Variants in ARHGAP15 observed in about 807,000 individuals in gnomAD.
ARHGAP15 encodes the protein Rho GTPase activating protein 15.
ARHGAP15 carries 51 observed loss-of-function variants against 63.7 expected under a neutral mutation model. That is an observed-to-expected ratio of 0.80 (90% CI 0.64 to 1.01). The LOEUF is 1.01. Ranked by LOEUF, ARHGAP15 falls within the 50% of genes least tolerant of loss-of-function variation. The probability of loss-of-function intolerance (pLI) is 0.00; values close to 1 mark genes in which losing one functional copy is unlikely to be tolerated. For missense variants in ARHGAP15, 560 were observed against 564.6 expected, an observed-to-expected ratio of 0.99 and a Z score of 0.08; for synonymous variants, 191 against 193.8, an observed-to-expected ratio of 0.99 and a Z score of 0.12.
At chr2:143,480,195 A>G (rs1692010279) in intron 8 of ARHGAP15, among the ~76,000 whole-genome samples, 1 of 152,362 alleles carries the variant, frequency 6.6e-6, no homozygotes, top group Admixed American at 6.5e-5. Context: ...TACATCATAG[A>G]CAAATGCATT....
At chr2:143,421,273 C>G (rs1688905240) in intron 6 of ARHGAP15, among the ~76,000 whole-genome samples, 1 of 152,176 alleles carries the variant, frequency 6.6e-6, no homozygotes, top group African/African-American at 2.4e-5. Flanking sequence ...ATCACCCACA[C>G]AGGGTTATTG....
chr2:143,385,526 T>C (rs1162459712), intron 6 of ARHGAP15, among the ~76,000 whole-genome samples: 1 of 152,154 alleles, frequency 6.6e-6, no homozygotes, highest in Non-Finnish European at 1.5e-5. Context: ...CCAAAGTTCA[T>C]ACCAACTACT....
chr2:143,606,041 A>AAAAAAAC lies in ARHGAP15; in HGVS notation c.1004-18086_1004-18085insCAAAAAA, dbSNP rs1698003279. ...CCAGAGCAAGACTCTGTCTCAAAAA[A>AAAAAAAC]AAAAAAAAAAAAAAAAAAAAAAAAA... On this transcript the variant is annotated intron_variant, in intron 11 of 13. Coordinates refer to ENST00000295095, the MANE Select transcript of ARHGAP15 (RefSeq NM_018460.4). Among the ~76,000 whole-genome samples the AAAAAAAC allele has an allele frequency of 3.7e-5, 2 of 53,768 alleles. 1 individual carries two copies. The highest frequency in any genetic ancestry group is 9.6e-5 in the African/African-American group (2 of 20,736). The allele number at this position is 53,768 out of a possible 152,430, so 35.3% of individuals were successfully genotyped here.
rs542784028 is a variant in ARHGAP15 at position 143,312,475 on chromosome 2, TAAAAAG to T, written c.474+61881_474+61886del. On this transcript the variant is annotated intron_variant, in intron 6 of 13. Coordinates refer to ENST00000295095, the MANE Select transcript of ARHGAP15 (RefSeq NM_018460.4). ...TCTCTGCAGTTATTTTTTTCAAAGATAAAAAGAAAAAAAAAGCATGTTCAAAAATGT... is the reference window on the plus strand; with the variant it reads ...TCTCTGCAGTTATTTTTTTCAAAGATAAAAAAAAAGCATGTTCAAAAATGT... Among the ~76,000 whole-genome samples the T allele has an allele frequency of 1.1e-3, 170 of 151,774 alleles. 1 individual carries two copies. The highest frequency in any genetic ancestry group is 0.011 in the Admixed American group (162 of 15,254).
chr2:143,436,259 G>C (rs1043491089), intron 7 of ARHGAP15, among the ~76,000 whole-genome samples: 2 of 151,970 alleles, frequency 1.3e-5, no homozygotes, highest in African/African-American at 4.8e-5. Context: ...TGAGTCTCTA[G>C]AACAAACATT....
chr2:143,291,942 A>C (rs1261829938), intron 6 of ARHGAP15, among the ~76,000 whole-genome samples: 2 of 152,158 alleles, frequency 1.3e-5, no homozygotes, highest in African/African-American at 4.8e-5. Context: ...CAGCATATTT[A>C]AAATGTTTAG....
At chr2:143,286,787 T>G (rs1273889031) in intron 6 of ARHGAP15, among the ~76,000 whole-genome samples, 1 of 152,214 alleles carries the variant, frequency 6.6e-6, no homozygotes, top group Non-Finnish European at 1.5e-5. Flanking sequence ...ATTAGGCAAT[T>G]TCTTCATTGT....
intron 9 of ARHGAP15, among the ~76,000 whole-genome samples, chr2:143,493,679 C>T (rs1208074081): frequency 6.6e-6 from 1 of 152,166 alleles, no homozygotes; most frequent in African/African-American, 2.4e-5. Flanking sequence ...AAAGTCCTTT[C>T]AGCCTCTTTC....
At chr2:143,232,165 A>T (rs193114992) in intron 5 of ARHGAP15, among the ~76,000 whole-genome samples, 1 of 152,204 alleles carries the variant, frequency 6.6e-6, no homozygotes, top group Non-Finnish European at 1.5e-5. Context: ...AGGAAGAATG[A>T]CCTATTCTGT....
chr2:143,445,695 T>G (rs928716427), intron 8 of ARHGAP15, among the ~76,000 whole-genome samples: 15 of 152,228 alleles, frequency 9.9e-5, no homozygotes, highest in African/African-American at 3.6e-4. Context: ...TTAACATCCT[T>G]TAGGACTCAG....
intron 6 of ARHGAP15, among the ~76,000 whole-genome samples, chr2:143,331,386 G>A (rs1029560146): frequency 2.0e-5 from 3 of 151,980 alleles, no homozygotes; most frequent in Non-Finnish European, 4.4e-5. Context: ...CTTTATGCTG[G>A]TACTTAACTA....
At chr2:143,441,636 C>G (rs552794011) in intron 8 of ARHGAP15, among the ~76,000 whole-genome samples, 10 of 152,244 alleles carry the variant, frequency 6.6e-5, no homozygotes, top group African/African-American at 2.2e-4. Flanking sequence ...AGTAATATAT[C>G]TCATACCTAT....
At chr2:143,578,371 T>C (rs1036398700) in intron 11 of ARHGAP15, among the ~76,000 whole-genome samples, 10 of 152,076 alleles carry the variant, frequency 6.6e-5, no homozygotes, top group Non-Finnish European at 1.5e-4. Flanking sequence ...GTATGAAAGA[T>C]GAGAGATTTA....
At chr2:143,136,276 G>A (rs1689136103) in intron 1 of ARHGAP15, among the ~76,000 whole-genome samples, 1 of 151,340 alleles carries the variant, frequency 6.6e-6, no homozygotes, top group African/African-American at 2.4e-5. Context: ...CTCAATAATG[G>A]CCCTTAAGGT....
intron 11 of ARHGAP15, among the ~76,000 whole-genome samples, chr2:143,591,696 C>T (rs1013873461): frequency 6.6e-6 from 1 of 150,780 alleles, no homozygotes; most frequent in Non-Finnish European, 1.5e-5. Context: ...TCTCGGCTCA[C>T]GCAACCTCCG....
chr2:143,607,335 C>T (rs1162566449), intron 11 of ARHGAP15, among the ~76,000 whole-genome samples: 2 of 152,084 alleles, frequency 1.3e-5, no homozygotes, highest in Admixed American at 6.5e-5. Flanking sequence ...GAACATTTGC[C>T]AGGAAAACTT....
chr2:143,277,646 G>A (rs1481582819), intron 6 of ARHGAP15, among the ~76,000 whole-genome samples: 4 of 151,936 alleles, frequency 2.6e-5, no homozygotes, highest in Non-Finnish European at 5.9e-5. Context: ...ATGGTGCAAT[G>A]GGGTCACAAC....
intron 6 of ARHGAP15, among the ~76,000 whole-genome samples, chr2:143,368,694 C>T (rs757433846): frequency 1.3e-5 from 2 of 152,048 alleles, no homozygotes; most frequent in Non-Finnish European, 2.9e-5. Flanking sequence ...TTAAAAGGTT[C>T]AGTCAAGAGA....
intron 8 of ARHGAP15, among the ~76,000 whole-genome samples, chr2:143,476,260 T>A (rs1691810319): frequency 2.0e-5 from 3 of 152,138 alleles, no homozygotes; most frequent in Admixed American, 2.0e-4. Context: ...CTTTGAAACA[T>A]GTTTAATAAT....
Sources: allele counts gnomAD v4.1 joint callset (sites outside exome capture counted in the v4.1 genomes callset), GRCh38; gene constraint gnomAD v4.1.1; transcripts MANE v1.5; gene names NCBI Gene and HGNC (gene_info 2026-07-23, HGNC 2026-07-21).